The following FANCI variants were observed in gnomAD, a reference collection of about 807,000 sequenced individuals.
FANCI encodes the protein Fanconi anemia group I protein.
A neutral mutation model predicts 176.1 loss-of-function variants in FANCI; 156 were observed. The observed-to-expected ratio is 0.89, with a 90% CI of 0.78 to 1.01. FANCI has a LOEUF of 1.01. FANCI is among the 50% of genes least tolerant of loss of function. The probability of loss-of-function intolerance (pLI) is 0.00; values close to 1 mark genes in which losing one functional copy is unlikely to be tolerated. For missense variants in FANCI, 1,678 were observed against 1,534.1 expected, an observed-to-expected ratio of 1.09 and a Z score of -1.57; for synonymous variants, 613 against 541.7, an observed-to-expected ratio of 1.13 and a Z score of -1.83.
chr15:89,296,723 C>T (rs770442191), intron 24 of FANCI, among the ~76,000 whole-genome samples: 9 of 152,158 alleles, frequency 5.9e-5, no homozygotes, highest in Admixed American at 4.6e-4. Flanking sequence ...ACCTCCCAGA[C>T]GGGGTGGTGG....
chr15:89,301,263 C>G, intron 26 of FANCI, 63 bp from the exon 27 acceptor site: 1 of 1,072,272 alleles, frequency 9.3e-7, no homozygotes, highest in South Asian at 1.3e-5. Context: ...GACTAGATGC[C>G]TCTTCTTCCT....
intron 34 of FANCI, among the ~76,000 whole-genome samples, chr15:89,309,070 A>T (rs541685873): frequency 2.6e-5 from 4 of 152,064 alleles, no homozygotes; most frequent in Admixed American, 6.5e-5. Context: ...CAGTTTTGTG[A>T]TCTGGGTCAG....
chr15:89,305,455 C>G, intron 30 of FANCI, 46 bp downstream of exon 30: 2 of 1,612,100 alleles, frequency 1.2e-6, no homozygotes, highest in Non-Finnish European at 1.7e-6. Context: ...GTCATTCTTT[C>G]CATTCTACTC....
intron 18 of FANCI, among the ~76,000 whole-genome samples, chr15:89,289,013 GTT>G (rs543342512): frequency 6.9e-6 from 1 of 145,052 alleles, no homozygotes. Context: ...TTTCTTTGAG[GTT>G]TTTTTTTTTA....
intron 24 of FANCI, among the ~76,000 whole-genome samples, chr15:89,299,294 A>C (rs1266229760): frequency 6.6e-6 from 1 of 152,190 alleles, no homozygotes; most frequent in East Asian, 1.9e-4. Flanking sequence ...ATCTAGGTCT[A>C]TTCCGTGGTA....
chr15:89,298,987 A>G (rs2054422713), intron 24 of FANCI, among the ~76,000 whole-genome samples: 2 of 152,078 alleles, frequency 1.3e-5, no homozygotes, highest in Non-Finnish European at 2.9e-5. Context: ...TCTGGCCAAC[A>G]TGGTGAAACC....
At chr15:89,254,167 G>A (rs1212685855) in intron 2 of FANCI, among the ~76,000 whole-genome samples, 1 of 152,060 alleles carries the variant, frequency 6.6e-6, no homozygotes, top group Admixed American at 6.5e-5. Flanking sequence ...AGACCAGTTT[G>A]GGCAACGTGG....
intron 2 of FANCI, among the ~76,000 whole-genome samples, chr15:89,248,757 T>C (rs1689788153): frequency 6.6e-6 from 1 of 152,096 alleles, no homozygotes; most frequent in Non-Finnish European, 1.5e-5. Flanking sequence ...ATTTCCCTCA[T>C]TTTTCCATTA....
intron 31 of FANCI, 128 bp downstream of exon 31, chr15:89,305,826 A>G (rs1437846536): frequency 1.7e-6 from 2 of 1,142,868 alleles, no homozygotes; most frequent in Admixed American, 1.9e-5. Context: ...ATTTTTTCCT[A>G]TGTGATGAAA....
Position 89,315,218 on chromosome 15 carries a change from G to A in FANCI, c.3817-64G>A. The A allele has an allele frequency of 3.2e-6, 4 of 1,233,418 alleles. No individual in the cohort carries two copies. The East Asian group carries it at 9.3e-5, about 29-fold the overall frequency. The allele number at this position is 1,233,418 out of a possible 1,614,324, so 76.4% of individuals were successfully genotyped here. On this transcript the variant is annotated intron_variant, in intron 36 of 37. Transcript: ENST00000310775. ...GTTTCTCAGAGGTGAACTAAAAATG[G>A]CTTAAGCTGTTCTGGCAGGACCTAT...
intron 1 of FANCI, among the ~76,000 whole-genome samples, chr15:89,246,498 TC>T: frequency 6.6e-6 from 1 of 152,280 alleles, no homozygotes; most frequent in Non-Finnish European, 1.5e-5. Context: ...TTTCCAGACT[TC>T]CTACTCACTA....
rs916261446 is a variant in FANCI, at chr15:89,307,992, C to T, written c.3651+320C>T. Reference sequence around the variant, plus strand: ...GAAAGTCCATGCCATGAGGCATCCTCTGGGAATGTGAGCAGAGTAGCAGCA... The same window carrying T: ...GAAAGTCCATGCCATGAGGCATCCTTTGGGAATGTGAGCAGAGTAGCAGCA... On this transcript the variant is annotated intron_variant, in intron 34 of 37. Coordinates refer to ENST00000310775, the MANE Select transcript of FANCI (RefSeq NM_001113378.2). 33 of 1,254,054 alleles carry T rather than the reference C, an allele frequency of 2.6e-5. No individual in the cohort carries two copies. In the Admixed American group the frequency reaches 3.1e-4, roughly 12 times the overall value. The allele number at this position is 1,254,054 out of a possible 1,614,324, so 77.7% of individuals were successfully genotyped here.
Position 89,263,427 on chromosome 15 carries a change from A to G in FANCI, c.512A>G (p.Gln171Arg). Residue 171 changes from glutamine (Q) to arginine (R), a missense_variant, in exon 7 of 38, where the codon CAG becomes CGG. By Grantham distance (43) the Gln-to-Arg change is conservative (BLOSUM62 1). Coordinates refer to ENST00000310775, the MANE Select transcript of FANCI (RefSeq NM_001113378.2). ...INTLCSGRWD[Q>R]QYVIQLTSMF... ...TCATTTTCTTCTACCAGGTGGGATC[A>G]GCAATATGTAATCCAACTCACCTCC... 1 of 1,612,894 alleles carries G rather than the reference A, an allele frequency of 6.2e-7. No homozygotes were observed. Among genetic ancestry groups the G allele is most frequent in the Non-Finnish European group, 8.5e-7 (1 of 1,179,024 alleles).
At chr15:89,276,601 A>G in intron 12 of FANCI, 110 bp from the exon 13 acceptor site, 1 of 1,134,074 alleles carries the variant, frequency 8.8e-7, no homozygotes, top group Non-Finnish European at 1.3e-6. Flanking sequence ...TATGCAGAGT[A>G]CGTTGATTAT....
intron 34 of FANCI, among the ~76,000 whole-genome samples, chr15:89,309,600 A>G (rs1032231239): frequency 6.6e-6 from 1 of 152,018 alleles, no homozygotes; most frequent in Non-Finnish European, 1.5e-5. Context: ...GTGTTTGCCT[A>G]TAGTCCCAGT....
intron 18 of FANCI, among the ~76,000 whole-genome samples, chr15:89,285,653 A>G (rs2053786484): frequency 6.6e-6 from 1 of 152,190 alleles, no homozygotes; most frequent in Non-Finnish European, 1.5e-5. Flanking sequence ...CATAAAACAC[A>G]GTTGATAGAC....
intron 3 of FANCI, among the ~76,000 whole-genome samples, chr15:89,259,970 G>A (rs2151239436): frequency 6.6e-6 from 1 of 152,214 alleles, no homozygotes; most frequent in East Asian, 1.9e-4. Flanking sequence ...GTGCGGACAT[G>A]TTTTCCTTTC....
At chr15:89,300,435 G>C in intron 26 of FANCI, 50 bp downstream of exon 26, 1 of 1,538,776 alleles carries the variant, frequency 6.5e-7, no homozygotes, top group Non-Finnish European at 9.0e-7. Flanking sequence ...CTTTGCAAAG[G>C]AACTGTTAGC....
In FANCI at chr15:89,312,766, T is replaced by C. The variant is rs528921905; in HGVS notation, c.3652-138T>C. On this transcript the variant is annotated intron_variant, in intron 34 of 37. Transcript: ENST00000310775. ...CTCGGGGCGCAGAGGTTACAGTGGG[T>C]CGACATCACGCCACTGCACACCAGC... 54 of 673,858 alleles carry C rather than the reference T, an allele frequency of 8.0e-5. No individual in the cohort carries two copies. In the African/African-American group the frequency reaches 9.1e-4, roughly 11 times the overall value. The allele number at this position is 673,858 out of a possible 1,614,324, so 41.7% of individuals were successfully genotyped here.
Sources: gnomAD v4.1 joint callset for allele counts (sites outside exome capture counted in the v4.1 genomes callset) on GRCh38, gnomAD v4.1.1 for gene constraint, MANE v1.5 for transcripts, NCBI Gene and HGNC (gene_info 2026-07-23, HGNC 2026-07-21) for gene names.